GRID1: variants seen among roughly 807,000 people sequenced by gnomAD.
GRID1 encodes the protein glutamate ionotropic receptor delta type subunit 1, also known as glutamate receptor ionotropic, delta-1.
GRID1 carries 28 observed loss-of-function variants against 98.0 expected under a neutral mutation model. That is an observed-to-expected ratio of 0.29 (90% CI 0.21 to 0.39). The LOEUF is 0.39. Among genes scored for constraint, GRID1 ranks in the 10% least tolerant of loss-of-function variants. The pLI is 1.00. For synonymous variants in GRID1, 553 were observed against 538.5 expected (o/e 1.03, Z -0.37); for missense variants, 1,111 against 1,340.5 (o/e 0.83, Z 2.67).
intron 4 of GRID1, among the ~76,000 whole-genome samples, chr10:86,033,996 G>C (rs1356728423): frequency 6.6e-6 from 1 of 152,208 alleles, no homozygotes; most frequent in African/African-American, 2.4e-5. Context: ...ATTGAAAAAA[G>C]TCTTCAGGGG....
intron 6 of GRID1, among the ~76,000 whole-genome samples, chr10:85,868,161 C>T (rs140653443): frequency 6.6e-6 from 1 of 152,354 alleles, no homozygotes; most frequent in African/African-American, 2.4e-5. Flanking sequence ...AAGCATATCA[C>T]ATGTACAAAC....
Position 86,006,543 on chromosome 10 carries a change from G to A in GRID1, c.727-90304C>T, listed in dbSNP as rs567263137. Among the ~76,000 whole-genome samples, 438 of 152,148 alleles carry A rather than the reference G, an allele frequency of 2.9e-3. 2 individuals are homozygous for A. Among genetic ancestry groups the A allele is most frequent in the African/African-American group, 9.9e-3 (411 of 41,516 alleles). On this transcript the variant is annotated intron_variant, in intron 4 of 15. Transcript: ENST00000327946. ...TGAGGTGGGAGAATCGCTTGAACCCGGGAGGCGGAGGTTGCAGTGAGCTGA... is the reference window on the plus strand; with the variant it reads ...TGAGGTGGGAGAATCGCTTGAACCCAGGAGGCGGAGGTTGCAGTGAGCTGA...
At chr10:85,983,043 C>G (rs1028003561) in intron 4 of GRID1, among the ~76,000 whole-genome samples, 3 of 152,192 alleles carry the variant, frequency 2.0e-5, no homozygotes, top group Non-Finnish European at 4.4e-5. Context: ...ATTTGGGGCC[C>G]AGAAACACAC....
chr10:86,335,335 T>C (rs1439015053), intron 2 of GRID1, among the ~76,000 whole-genome samples: 1 of 152,224 alleles, frequency 6.6e-6, no homozygotes, highest in African/African-American at 2.4e-5. Context: ...AAAGCACTAA[T>C]TACACAGGAT....
chr10:86,338,730 G>C (rs1396567254), intron 2 of GRID1, among the ~76,000 whole-genome samples: 2 of 152,112 alleles, frequency 1.3e-5, no homozygotes, highest in African/African-American at 4.8e-5. Flanking sequence ...GATAATTTTT[G>C]TGTTTTTAGT....
At chr10:85,661,849 T>A (rs1840968956) in intron 12 of GRID1, among the ~76,000 whole-genome samples, 3 of 152,126 alleles carry the variant, frequency 2.0e-5, no homozygotes, top group Admixed American at 2.0e-4. Context: ...GAAAAGCCAA[T>A]GATTAATTTT....
chr10:85,699,421 CAA>C (rs1841428525), intron 12 of GRID1, among the ~76,000 whole-genome samples: 1 of 152,104 alleles, frequency 6.6e-6, no homozygotes, highest in Non-Finnish European at 1.5e-5. Context: ...ATGTGTTTTG[CAA>C]AGATTTTCCC....
chr10:85,756,202 G>A (rs997377969), intron 8 of GRID1, among the ~76,000 whole-genome samples: 5 of 152,060 alleles, frequency 3.3e-5, no homozygotes, highest in Admixed American at 3.3e-4. Flanking sequence ...CACTTATCAT[G>A]CACTGTGGCC....
At chr10:85,721,479 G>A (rs959422094) in intron 12 of GRID1, among the ~76,000 whole-genome samples, 9 of 152,186 alleles carry the variant, frequency 5.9e-5, no homozygotes, top group African/African-American at 2.2e-4. Flanking sequence ...TAGACAAACT[G>A]TGGTATATGT....
chr10:86,005,869 A>AT (rs1219563995), intron 4 of GRID1, among the ~76,000 whole-genome samples: 1 of 152,196 alleles, frequency 6.6e-6, no homozygotes, highest in African/African-American at 2.4e-5. Flanking sequence ...ATAAATGAAG[A>AT]TATATAACAT....
In GRID1 at chr10:86,206,677, G is replaced by T; in HGVS notation, c.236-29C>A. ...GAAAGAGAGAAGAGAGAGAGGAAGG[G>T]GTCAGCATCAGGGCGATGCTGCACC... is the stretch of plus-strand genomic sequence containing the variant. On this transcript the variant is annotated intron_variant, in intron 2 of 15. Transcript: ENST00000327946. This position sits in a 1 kb window ranked among gnomAD's most constrained non-coding sequence, Gnocchi z 4.1. The T allele has an allele frequency of 6.3e-7, 1 of 1,591,834 alleles. No homozygotes were observed. The highest frequency in any genetic ancestry group is 8.6e-7 in the Non-Finnish European group (1 of 1,164,768).
intron 5 of GRID1, among the ~76,000 whole-genome samples, chr10:85,886,034 G>C (rs535859233): frequency 2.0e-5 from 3 of 149,864 alleles, no homozygotes; most frequent in East Asian, 3.9e-4. Context: ...CCCAGAACCA[G>C]AGCTGTGTCC....
intron 2 of GRID1, among the ~76,000 whole-genome samples, chr10:86,323,815 T>G (rs926219841): frequency 6.6e-6 from 1 of 152,224 alleles, no homozygotes; most frequent in Non-Finnish European, 1.5e-5. Context: ...CCACAATTTT[T>G]AAAAATGAAT....
chr10:86,120,728 T>C (rs1459192725), intron 4 of GRID1, among the ~76,000 whole-genome samples: 1 of 152,216 alleles, frequency 6.6e-6, no homozygotes, highest in Non-Finnish European at 1.5e-5. Context: ...CAAGGTATTG[T>C]CAGTTTGGAC....
At chr10:86,109,981 T>C (rs1844453320) in intron 4 of GRID1, among the ~76,000 whole-genome samples, 1 of 151,552 alleles carries the variant, frequency 6.6e-6, no homozygotes, top group Non-Finnish European at 1.5e-5. Context: ...CTTTTTTTTT[T>C]TTTTTTTTTG....
At chr10:85,881,514 G>C (rs1398567078) in intron 5 of GRID1, among the ~76,000 whole-genome samples, 3 of 152,168 alleles carry the variant, frequency 2.0e-5, no homozygotes, top group African/African-American at 7.2e-5. Flanking sequence ...ACAAAAACAA[G>C]CAATGGGGAA....
At chr10:86,355,164 C>G (rs892568173) in intron 2 of GRID1, among the ~76,000 whole-genome samples, 2 of 152,258 alleles carry the variant, frequency 1.3e-5, no homozygotes, top group South Asian at 4.1e-4. Flanking sequence ...CAGCTGTCCT[C>G]TATTCCATTT....
chr10:86,027,834 C>T (rs937961248), intron 4 of GRID1, among the ~76,000 whole-genome samples: 1 of 152,218 alleles, frequency 6.6e-6, no homozygotes. Flanking sequence ...ATTATCACAA[C>T]AGTCATTACA....
chr10:86,188,770 C>G (rs918469960), intron 3 of GRID1, among the ~76,000 whole-genome samples: 12 of 152,196 alleles, frequency 7.9e-5, no homozygotes, highest in African/African-American at 2.9e-4. Context: ...CATCAGTAAT[C>G]CCATTTAATC....
Sources: gnomAD v4.1 joint callset for allele counts (sites outside exome capture counted in the v4.1 genomes callset) on GRCh38, gnomAD v4.1.1 for gene constraint, Gnocchi (gnomAD v3.1) non-coding constraint, MANE v1.5 for transcripts, NCBI Gene and HGNC (gene_info 2026-07-23, HGNC 2026-07-21) for gene names.